Variants in VPS26C observed in about 807,000 individuals in gnomAD.
VPS26C encodes the protein VPS26 endosomal protein sorting factor C, also known as vacuolar protein sorting-associated protein 26C.
A neutral mutation model predicts 30.6 loss-of-function variants in VPS26C; 19 were observed. That is an observed-to-expected ratio of 0.62 (90% confidence interval 0.43 to 0.91). VPS26C has a LOEUF of 0.91. Among genes scored for constraint, VPS26C ranks in the 40% least tolerant of loss-of-function variants. VPS26C has a pLI of 0.00. For missense variants in VPS26C, 318 were observed against 385.1 expected (o/e 0.83, Z 1.46); for synonymous variants, 132 against 151.5 (o/e 0.87, Z 0.95).
At chr21:37,256,396 T>C (rs1260276217) in intron 1 of VPS26C, among the ~76,000 whole-genome samples, 1 of 152,244 alleles carries the variant, frequency 6.6e-6, no homozygotes, top group Non-Finnish European at 1.5e-5. Flanking sequence ...TCTGCTTTTA[T>C]CTGTTTATAA....
chr21:37,267,362 C>T, upstream of VPS26C: 3 of 1,436,176 alleles, frequency 2.1e-6, no homozygotes, highest in South Asian at 1.2e-5. Flanking sequence ...GGGCGCCTCC[C>T]CGCTTCGTTC....
intron 1 of VPS26C, among the ~76,000 whole-genome samples, chr21:37,253,539 G>GT (rs1165386820): frequency 6.6e-6 from 1 of 152,118 alleles, no homozygotes; most frequent in Non-Finnish European, 1.5e-5. Context: ...CTGAACAAAA[G>GT]TTTAAAAGAA....
At chr21:37,245,256 G>T (rs1337538992) in intron 1 of VPS26C, among the ~76,000 whole-genome samples, 4 of 152,176 alleles carry the variant, frequency 2.6e-5, no homozygotes, top group Non-Finnish European at 4.4e-5. Flanking sequence ...GTTCCACTTA[G>T]ATTTTTCAGC....
At position 37,240,592 on chromosome 21, in the gene VPS26C, T is replaced by C. The variant is rs2086076300; in HGVS notation, c.105A>G (p.Gln35=). 6.2e-7 allele frequency: 1 copy of C among 1,614,102 alleles called. No individual in the cohort carries two copies. Among genetic ancestry groups the C allele is most frequent in the African/African-American group, 1.3e-5 (1 of 74,928 alleles). The change falls in exon 2 of 8, where the codon CAA becomes CAG. Residue 35 remains glutamine, a synonymous_variant. Transcript: ENST00000309117. The part of the protein sequence containing the change: ...VVVISSKDSV[Q]HQGVSLTMEG... ...CCATGGTCAAAGACACTCCCTGGTG[T>C]TGGACTGAATCCTTACTCGATATGA...
rs1286694696 is a variant in VPS26C at position 37,233,520 on chromosome 21, A to C, written c.352-78T>G. 1 of 1,045,000 alleles carries C rather than the reference A, an allele frequency of 9.6e-7. No individual in the cohort carries two copies. The highest frequency in any genetic ancestry group is 1.5e-6 in the Non-Finnish European group (1 of 667,184). 64.7% of individuals were successfully genotyped at this position (1,045,000 alleles called of 1,614,324 possible). A position where few individuals can be genotyped will look rare whatever the true frequency, so the allele number is the denominator to read the frequency against. On this transcript the variant is annotated intron_variant, in intron 3 of 7. Coordinates refer to ENST00000309117, the MANE Select transcript of VPS26C (RefSeq NM_006052.2). This position sits in a 1 kb window ranked among gnomAD's most constrained non-coding sequence, Gnocchi z 5.2. ...TCTTGGAATTATATTCAAAGAGACA[A>C]GTCAGTCAACATATTTTAGGGAAAT...
intron 1 of VPS26C, among the ~76,000 whole-genome samples, chr21:37,241,595 G>A (rs1360239953): frequency 2.0e-5 from 3 of 152,122 alleles, no homozygotes; most frequent in Non-Finnish European, 2.9e-5. Flanking sequence ...AGGTGGACAG[G>A]TTGCTTGAGC....
intron 1 of VPS26C, among the ~76,000 whole-genome samples, chr21:37,250,321 C>T (rs7280008): frequency 0.87 from 132,046 of 151,832 alleles, 57,587 homozygotes; most frequent in African/African-American, 0.92. Context: ...AAAAAAAAAT[C>T]AAGTTGGACC....
intron 1 of VPS26C, among the ~76,000 whole-genome samples, chr21:37,265,629 T>G (rs1040092801): frequency 2.0e-5 from 3 of 152,224 alleles, no homozygotes; most frequent in African/African-American, 7.2e-5. Flanking sequence ...TATCTCGCCT[T>G]TATTTTTTGA....
chr21:37,236,727 A>G (rs891299511), intron 3 of VPS26C, among the ~76,000 whole-genome samples: 1 of 152,248 alleles, frequency 6.6e-6, no homozygotes, highest in Non-Finnish European at 1.5e-5. Flanking sequence ...AAATCTCTTC[A>G]TTGTTAGAAA....
chr21:37,266,332 T>C (rs907265006), intron 1 of VPS26C, among the ~76,000 whole-genome samples: 1 of 152,196 alleles, frequency 6.6e-6, no homozygotes, highest in Non-Finnish European at 1.5e-5. Flanking sequence ...TCCAAGACCT[T>C]TGTCTGAAAT....
intron 1 of VPS26C, among the ~76,000 whole-genome samples, chr21:37,252,706 A>T (rs2086205744): frequency 6.6e-6 from 1 of 152,232 alleles, no homozygotes; most frequent in Non-Finnish European, 1.5e-5. Context: ...AGATGAACAA[A>T]CTGTGATACA....
At chr21:37,236,988 C>T (rs903512243) in intron 3 of VPS26C, among the ~76,000 whole-genome samples, 1 of 152,104 alleles carries the variant, frequency 6.6e-6, no homozygotes, top group African/African-American at 2.4e-5. Context: ...GCGTTGTTGC[C>T]CAGGCTGGTC....
chr21:37,225,602 A>G lies in VPS26C; in HGVS notation c.836T>C (p.Leu279Pro). The change falls in exon 8 of 8, where the codon CTG becomes CCG. Residue 279 changes from leucine (L) to proline (P), a missense_variant. Leu to Pro is a moderately conservative substitution (Grantham distance 98). Coordinates refer to ENST00000309117, the MANE Select transcript of VPS26C (RefSeq NM_006052.2). ...KVEFEVNIVV[L>P]LHPDHLITEN... is the part of the protein sequence containing the mutation. Reference sequence around the variant, plus strand: ...CGTGATGAGGTGGTCAGGGTGAAGCAGCACCACGATGTTAACCTCAAATTC... The same window carrying G: ...CGTGATGAGGTGGTCAGGGTGAAGCGGCACCACGATGTTAACCTCAAATTC... 6.2e-7 allele frequency: 1 copy of G among 1,614,088 alleles called. No homozygotes were observed. The highest frequency in any genetic ancestry group is 2.2e-5 in the East Asian group (1 of 44,878).
chr21:37,244,411 G>A (rs554802942), intron 1 of VPS26C, among the ~76,000 whole-genome samples: 3 of 152,086 alleles, frequency 2.0e-5, no homozygotes, highest in African/African-American at 4.8e-5. Context: ...CTAATTTTTT[G>A]TATTGTTAGT....
At chr21:37,265,628 T>C (rs1053986143) in intron 1 of VPS26C, among the ~76,000 whole-genome samples, 2 of 152,230 alleles carry the variant, frequency 1.3e-5, no homozygotes, top group Admixed American at 1.3e-4. Context: ...TTATCTCGCC[T>C]TTATTTTTTG....
chr21:37,235,354 G>A (rs544964802), intron 3 of VPS26C, among the ~76,000 whole-genome samples: 107 of 152,114 alleles, frequency 7.0e-4, no homozygotes, highest in Non-Finnish European at 1.4e-3. Context: ...GGCTGGTCTC[G>A]AACTCCTGAC....
At chr21:37,246,886 TG>T (rs1463171462) in intron 1 of VPS26C, among the ~76,000 whole-genome samples, 5 of 152,176 alleles carry the variant, frequency 3.3e-5, no homozygotes, top group African/African-American at 1.2e-4. Context: ...GCCTCCTGAG[TG>T]GCTGGGACTA....
intron 1 of VPS26C, among the ~76,000 whole-genome samples, chr21:37,262,921 C>T (rs1210743687): frequency 6.6e-6 from 1 of 152,028 alleles, no homozygotes; most frequent in Non-Finnish European, 1.5e-5. Flanking sequence ...GCGTGCACCA[C>T]ACCCAGCTAA....
intron 1 of VPS26C, among the ~76,000 whole-genome samples, chr21:37,262,365 C>A (rs1003889764): frequency 4.6e-5 from 7 of 152,068 alleles, no homozygotes; most frequent in African/African-American, 1.7e-4. Flanking sequence ...CCAGAAGGGC[C>A]CCCAGCTTCT....
Sources: allele counts gnomAD v4.1 joint callset (sites outside exome capture counted in the v4.1 genomes callset), GRCh38; gene constraint gnomAD v4.1.1; non-coding constraint Gnocchi (gnomAD v3.1); transcripts MANE v1.5; gene names NCBI Gene and HGNC (gene_info 2026-07-23, HGNC 2026-07-21).